SLC71A2: variants seen among roughly 807,000 people sequenced by gnomAD.
The protein encoded by SLC71A2 is hippocampus abundant transcript-like 1.
chr9:94,414,839 T>A, the SLC71A2 span, among the ~76,000 whole-genome samples: 5 of 152,152 alleles, frequency 3.3e-5, no homozygotes, highest in African/African-American at 1.2e-4. Context: ...TTATATTTTT[T>A]AGTAGAGGTG....
At chr9:94,401,202 A>G in the SLC71A2 span, among the ~76,000 whole-genome samples, 30,190 of 151,496 alleles carry the variant, frequency 0.2, 3,232 homozygotes, top group Middle Eastern at 0.28. Flanking sequence ...ACGGAGTCTC[A>G]CTCTGTCACC....
the SLC71A2 span, among the ~76,000 whole-genome samples, chr9:94,411,164 TTTC>T: frequency 6.7e-6 from 1 of 149,496 alleles, no homozygotes; most frequent in Non-Finnish European, 1.5e-5. Flanking sequence ...TGTAAGTTCT[TTTC>T]TTTTTAGCAA....
the SLC71A2 span, chr9:94,374,791 C>A: frequency 3.4e-6 from 2 of 588,282 alleles, no homozygotes; most frequent in African/African-American, 2.0e-5. Context: ...TCCCGGAGCG[C>A]CCCGGGCTGG....
At chr9:94,400,051 T>TC in the SLC71A2 span, among the ~76,000 whole-genome samples, 2 of 152,032 alleles carry the variant, frequency 1.3e-5, no homozygotes, top group Non-Finnish European at 2.9e-5. Flanking sequence ...TCTCAAGTGA[T>TC]CCGCCCGTCT....
the SLC71A2 span, chr9:94,459,430 A>G: frequency 6.2e-7 from 1 of 1,612,534 alleles, no homozygotes. Flanking sequence ...AGAAAGTGGG[A>G]TTCTGCATAC....
At chr9:94,444,918 AGGT>A in the SLC71A2 span, 1 of 1,573,778 alleles carries the variant, frequency 6.4e-7, no homozygotes, top group Non-Finnish European at 8.7e-7. Context: ...CTTTCCCCAG[AGGT>A]GTTCACCTAT....
chr9:94,452,394 C>G, the SLC71A2 span, among the ~76,000 whole-genome samples: 4 of 151,974 alleles, frequency 2.6e-5, no homozygotes, highest in Non-Finnish European at 5.9e-5. Context: ...GTCAGGCGTT[C>G]CAGACCAGCT....
chr9:94,394,186 T>A, the SLC71A2 span, among the ~76,000 whole-genome samples: 1 of 119,360 alleles, frequency 8.4e-6, no homozygotes, highest in Admixed American at 8.7e-5. Flanking sequence ...ATTTAATGAA[T>A]GCTGCTTGGT....
chr9:94,392,154 A>G, the SLC71A2 span, among the ~76,000 whole-genome samples: 2 of 151,328 alleles, frequency 1.3e-5, no homozygotes, highest in African/African-American at 2.4e-5. Context: ...AACTGAGCCC[A>G]TAAGATTGAA....
the SLC71A2 span, among the ~76,000 whole-genome samples, chr9:94,439,022 GT>G: frequency 4.0e-4 from 46 of 115,692 alleles, no homozygotes; most frequent in Non-Finnish European, 3.8e-4. Context: ...ATTTGAGTTC[GT>G]TTTTTTTTTT....
chr9:94,402,505 C>G, the SLC71A2 span, among the ~76,000 whole-genome samples: 2 of 152,144 alleles, frequency 1.3e-5, no homozygotes, highest in Non-Finnish European at 2.9e-5. Context: ...TTAACTGTCA[C>G]TCTCCATCTC....
At chr9:94,456,050 C>G in the SLC71A2 span, among the ~76,000 whole-genome samples, 1 of 151,972 alleles carries the variant, frequency 6.6e-6, no homozygotes, top group Non-Finnish European at 1.5e-5. Context: ...CCATCCTAGG[C>G]CATTCGTTTC....
At chr9:94,429,032 T>G in the SLC71A2 span, among the ~76,000 whole-genome samples, 3 of 152,200 alleles carry the variant, frequency 2.0e-5, no homozygotes, top group Non-Finnish European at 4.4e-5. Flanking sequence ...ATAGTCTGGA[T>G]GTACCACAGT....
the SLC71A2 span, among the ~76,000 whole-genome samples, chr9:94,442,126 G>T: frequency 6.6e-6 from 1 of 152,124 alleles, no homozygotes; most frequent in Non-Finnish European, 1.5e-5. Context: ...GATCTGGCTA[G>T]GTTGTGGGGA....
At chr9:94,420,020 A>T in the SLC71A2 span, among the ~76,000 whole-genome samples, 1 of 152,108 alleles carries the variant, frequency 6.6e-6, no homozygotes, top group South Asian at 2.1e-4. Context: ...GTGCATTCTT[A>T]CTTCAGGCCA....
chr9:94,453,946 T>A, the SLC71A2 span: 1 of 1,572,078 alleles, frequency 6.4e-7, no homozygotes, highest in Non-Finnish European at 8.8e-7. Flanking sequence ...AGTTGTCTCC[T>A]TTACTTTGCA....
chr9:94,454,729 G>T, the SLC71A2 span, among the ~76,000 whole-genome samples: 1 of 151,840 alleles, frequency 6.6e-6, no homozygotes, highest in African/African-American at 2.4e-5. Context: ...CAAAAAAAAT[G>T]ACTGATTATG....
At chr9:94,383,542 T>C in the SLC71A2 span, among the ~76,000 whole-genome samples, 1 of 152,048 alleles carries the variant, frequency 6.6e-6, no homozygotes, top group Non-Finnish European at 1.5e-5. Context: ...TTGATCTATT[T>C]GTCTTTACAT....
At chr9:94,392,108 A>G in the SLC71A2 span, among the ~76,000 whole-genome samples, 1 of 151,562 alleles carries the variant, frequency 6.6e-6, no homozygotes, top group Admixed American at 6.6e-5. Flanking sequence ...TGTTGGAGGT[A>G]GAGACACTGG....
Sources: allele counts gnomAD v4.1 joint callset (sites outside exome capture counted in the v4.1 genomes callset), GRCh38; gene constraint gnomAD v4.1.1; transcripts MANE v1.5; gene names NCBI Gene and HGNC (gene_info 2026-07-23, HGNC 2026-07-21).